Variants in MTHFD2L observed in about 807,000 individuals in gnomAD.
MTHFD2L encodes the protein bifunctional methylenetetrahydrofolate dehydrogenase/cyclohydrolase 2, mitochondrial.
Under a neutral mutation model 34.9 loss-of-function variants are expected in MTHFD2L, and 29 were observed. That is an observed-to-expected ratio of 0.83 (90% CI 0.62 to 1.13). MTHFD2L has a LOEUF of 1.13. MTHFD2L is among the 50% of genes most tolerant of loss of function. The pLI is 0.00. For missense variants in MTHFD2L, 481 were observed against 446.5 expected, an observed-to-expected ratio of 1.08 and a Z score of -0.70; for synonymous variants, 167 against 155.7, an observed-to-expected ratio of 1.07 and a Z score of -0.54.
intron 3 of MTHFD2L, among the ~76,000 whole-genome samples, chr4:74,175,870 T>C (rs1308536850): frequency 6.6e-6 from 1 of 152,128 alleles, no homozygotes; most frequent in Non-Finnish European, 1.5e-5. Context: ...AAGTGTATGA[T>C]ATCTTTGCAA....
intron 1 of MTHFD2L, among the ~76,000 whole-genome samples, chr4:74,143,766 C>T (rs1187725691): frequency 6.6e-6 from 1 of 151,830 alleles, no homozygotes; most frequent in Non-Finnish European, 1.5e-5. Flanking sequence ...ATTTTGAGCC[C>T]TAGAAGAATA....
At chr4:74,175,689 T>A (rs1728898837) in intron 3 of MTHFD2L, among the ~76,000 whole-genome samples, 1 of 152,074 alleles carries the variant, frequency 6.6e-6, no homozygotes, top group South Asian at 2.1e-4. Context: ...TAATGTGATC[T>A]TAATAATCAA....
At chr4:74,127,585 AGTT>A (rs1375475590) in intron 1 of MTHFD2L, among the ~76,000 whole-genome samples, 2 of 152,124 alleles carry the variant, frequency 1.3e-5, no homozygotes, top group South Asian at 4.1e-4. Context: ...GGATTGCATT[AGTT>A]GTTGTGGCTG....
intron 1 of MTHFD2L, chr4:74,164,995 G>T (rs1726355794): frequency 4.1e-6 from 4 of 985,356 alleles, no homozygotes; most frequent in Non-Finnish European, 4.8e-6. Flanking sequence ...TATCTAAGGG[G>T]TCAAATGGAT....
intron 6 of MTHFD2L, among the ~76,000 whole-genome samples, chr4:74,270,171 A>T (rs1236509352): frequency 6.0e-5 from 9 of 150,710 alleles, no homozygotes; most frequent in Non-Finnish European, 1.3e-4. Context: ...TTTTCTTTTT[A>T]TTATTATTAT....
chr4:74,121,647 T>C (rs929550421), upstream of MTHFD2L, among the ~76,000 whole-genome samples: 1 of 145,326 alleles, frequency 6.9e-6, no homozygotes, highest in Non-Finnish European at 1.5e-5. Flanking sequence ...TATACATATA[T>C]AATTATATAT....
intron 1 of MTHFD2L, chr4:74,160,058 C>T (rs1725075652): frequency 7.8e-7 from 1 of 1,288,610 alleles, no homozygotes; most frequent in Non-Finnish European, 1.0e-6. Flanking sequence ...CTTCTAGGAC[C>T]AGCAGAGAGA....
intron 1 of MTHFD2L, among the ~76,000 whole-genome samples, chr4:74,147,949 G>T: frequency 6.6e-6 from 1 of 151,878 alleles, no homozygotes; most frequent in Non-Finnish European, 1.5e-5. Context: ...ATTTTTTCCT[G>T]TTCTCTTGAT....
intron 3 of MTHFD2L, among the ~76,000 whole-genome samples, chr4:74,187,836 T>C (rs112558934): frequency 8.6e-6 from 1 of 116,198 alleles, no homozygotes; most frequent in African/African-American, 5.2e-5. Flanking sequence ...CACACACACA[T>C]TGGTCCAGCC....
intron 1 of MTHFD2L, among the ~76,000 whole-genome samples, chr4:74,168,658 A>G (rs1054088743): frequency 2.0e-5 from 3 of 152,160 alleles, no homozygotes; most frequent in Non-Finnish European, 2.9e-5. Context: ...GAGACTTTCA[A>G]TATATATTTG....
intron 1 of MTHFD2L, among the ~76,000 whole-genome samples, chr4:74,148,083 G>C (rs1723705740): frequency 6.6e-6 from 1 of 151,922 alleles, no homozygotes; most frequent in Admixed American, 6.6e-5. Context: ...TTTGGTTATG[G>C]ATATCCAGTT....
upstream of MTHFD2L, among the ~76,000 whole-genome samples, chr4:74,156,018 T>G (rs1260678785): frequency 6.9e-6 from 1 of 145,102 alleles, no homozygotes; most frequent in African/African-American, 2.9e-5. Flanking sequence ...ATGCAAGTCT[T>G]GTGGAGAATA....
chr4:74,141,677 G>A (rs757346979), intron 1 of MTHFD2L, among the ~76,000 whole-genome samples: 1 of 152,098 alleles, frequency 6.6e-6, no homozygotes, highest in Non-Finnish European at 1.5e-5. Flanking sequence ...ACCTTTTAGT[G>A]TTTTAGTTTC....
At chr4:74,120,301 G>T (rs1721731334), upstream of MTHFD2L, among the ~76,000 whole-genome samples, 2 of 152,238 alleles carry the variant, frequency 1.3e-5, no homozygotes, top group South Asian at 4.1e-4. Flanking sequence ...CGCAGTACAT[G>T]ATTCAGGTTG....
intron 5 of MTHFD2L, among the ~76,000 whole-genome samples, chr4:74,202,710 G>T (rs1734655397): frequency 6.6e-6 from 1 of 152,132 alleles, no homozygotes; most frequent in Non-Finnish European, 1.5e-5. Context: ...GTTGTACTTT[G>T]TTTACCATTT....
At chr4:74,137,872 C>T (rs1014988844) in intron 1 of MTHFD2L, among the ~76,000 whole-genome samples, 8 of 151,966 alleles carry the variant, frequency 5.3e-5, no homozygotes, top group African/African-American at 1.9e-4. Context: ...ACAAATATGG[C>T]ATGTTCTTGC....
At chr4:74,125,110 T>C (rs1256283626), upstream of MTHFD2L, among the ~76,000 whole-genome samples, 4 of 152,070 alleles carry the variant, frequency 2.6e-5, no homozygotes, top group South Asian at 6.2e-4. Context: ...TTTTGCAGAG[T>C]TAAAGTAATT....
upstream of MTHFD2L, among the ~76,000 whole-genome samples, chr4:74,155,912 A>T (rs867608069): frequency 0.023 from 3,347 of 144,358 alleles, 108 homozygotes; most frequent in African/African-American, 0.08. Context: ...TGTGATTTAA[A>T]AAAAAAAAAA....
chr4:74,274,596 AT>A (rs1432515146), intron 6 of MTHFD2L, among the ~76,000 whole-genome samples: 1 of 152,228 alleles, frequency 6.6e-6, no homozygotes, highest in Non-Finnish European at 1.5e-5. Flanking sequence ...TTCCCCAAAA[AT>A]ATCACCGAAA....
Sources: gnomAD v4.1 joint callset for allele counts (sites outside exome capture counted in the v4.1 genomes callset) on GRCh38, gnomAD v4.1.1 for gene constraint, MANE v1.5 for transcripts, NCBI Gene and HGNC (gene_info 2026-07-23, HGNC 2026-07-21) for gene names.